The following SLC35D4 variants were observed in gnomAD, a reference collection of about 807,000 sequenced individuals.
SLC35D4 encodes the protein solute carrier family 35 member D4.
At chr18:23,319,783 A>G in the SLC35D4 span, among the ~76,000 whole-genome samples, 2 of 152,224 alleles carry the variant, frequency 1.3e-5, no homozygotes, top group East Asian at 3.8e-4. Flanking sequence ...CAAGGGCCAG[A>G]TGCATAAAAT....
At chr18:23,253,329 A>G in the SLC35D4 span, among the ~76,000 whole-genome samples, 1 of 152,174 alleles carries the variant, frequency 6.6e-6, no homozygotes, top group Non-Finnish European at 1.5e-5. Flanking sequence ...CTAAAAATTT[A>G]AAAATTAGCC....
the SLC35D4 span, among the ~76,000 whole-genome samples, chr18:23,276,949 C>T: frequency 6.6e-6 from 1 of 152,248 alleles, no homozygotes; most frequent in Non-Finnish European, 1.5e-5. Context: ...ACCTTTTCTT[C>T]TCCTCTCTAC....
At chr18:23,262,726 G>A in the SLC35D4 span, among the ~76,000 whole-genome samples, 2 of 152,242 alleles carry the variant, frequency 1.3e-5, no homozygotes, top group African/African-American at 4.8e-5. Flanking sequence ...CAAGGCCAAG[G>A]CAGCAGGGTT....
the SLC35D4 span, chr18:23,377,555 T>TA: frequency 2.4e-6 from 3 of 1,244,740 alleles, no homozygotes; most frequent in South Asian, 1.5e-5. Context: ...TGCCACCTCT[T>TA]AGAGTATGAA....
the SLC35D4 span, among the ~76,000 whole-genome samples, chr18:23,360,810 T>C: frequency 6.6e-6 from 1 of 151,960 alleles, no homozygotes; most frequent in South Asian, 2.1e-4. Context: ...ATACAGGTAA[T>C]AAAAGAAGGG....
At chr18:23,371,408 C>T in the SLC35D4 span, 1 of 1,563,696 alleles carries the variant, frequency 6.4e-7, no homozygotes, top group Middle Eastern at 1.8e-4. Flanking sequence ...CATAATAATT[C>T]TTTTAAAACT....
At chr18:23,304,787 C>G in the SLC35D4 span, among the ~76,000 whole-genome samples, 2 of 152,060 alleles carry the variant, frequency 1.3e-5, no homozygotes, top group African/African-American at 4.8e-5. Context: ...GCCCTGTCTT[C>G]CCAGGTGAGA....
the SLC35D4 span, chr18:23,437,921 CGCAGCAGCAGCAGCGGCAGCG>C: frequency 3.3e-6 from 5 of 1,526,316 alleles, no homozygotes; most frequent in Admixed American, 5.8e-5. Context: ...GCCCGACCCC[CGCAGCAGCAGCAGCGGCAGCG>C]GCAGCAGCCG....
At chr18:23,437,836 G>A in the SLC35D4 span, 1 of 1,613,020 alleles carries the variant, frequency 6.2e-7, no homozygotes, top group South Asian at 1.1e-5. Context: ...GCCGACCAGA[G>A]ACCTCCTCAC....
chr18:23,364,919 A>AAG, the SLC35D4 span, among the ~76,000 whole-genome samples: 2 of 3,742 alleles, frequency 5.3e-4, 1 homozygote, highest in East Asian at 0.12. Context: ...AAAAAAAAAA[A>AAG]AAAAAAAAAA....
chr18:23,367,415 C>T, the SLC35D4 span, among the ~76,000 whole-genome samples: 5 of 152,206 alleles, frequency 3.3e-5, no homozygotes, highest in South Asian at 1.0e-3. Flanking sequence ...GGGTGGGGGA[C>T]TGGGGCCCCC....
At chr18:23,261,892 A>T in the SLC35D4 span, among the ~76,000 whole-genome samples, 10,702 of 152,234 alleles carry the variant, frequency 0.07, 500 homozygotes, top group African/African-American at 0.14. Context: ...TGCAAGTCAA[A>T]CCATCATAAG....
At chr18:23,412,059 C>T in the SLC35D4 span, among the ~76,000 whole-genome samples, 3 of 152,240 alleles carry the variant, frequency 2.0e-5, no homozygotes, top group African/African-American at 7.2e-5. Context: ...GTGGCTTACG[C>T]CTGTAATCCT....
the SLC35D4 span, among the ~76,000 whole-genome samples, chr18:23,373,554 C>T: frequency 6.6e-6 from 1 of 152,162 alleles, no homozygotes; most frequent in Admixed American, 6.5e-5. Flanking sequence ...AATGGTGTTG[C>T]CCAGGCCCAG....
the SLC35D4 span, among the ~76,000 whole-genome samples, chr18:23,289,819 C>T: frequency 7.2e-5 from 11 of 152,156 alleles, no homozygotes; most frequent in Non-Finnish European, 1.5e-4. Context: ...CCTGGCTCAT[C>T]CTGGCTCAAA....
the SLC35D4 span, among the ~76,000 whole-genome samples, chr18:23,383,118 G>A: frequency 2.0e-5 from 3 of 152,118 alleles, no homozygotes; most frequent in African/African-American, 4.8e-5. Flanking sequence ...GATGTCCGGG[G>A]AGAACCATAG....
At chr18:23,363,364 ATTTTTTTTTT>A in the SLC35D4 span, among the ~76,000 whole-genome samples, 69 of 90,450 alleles carry the variant, frequency 7.6e-4, 1 homozygote, top group African/African-American at 2.7e-3. Flanking sequence ...ACAAAAGCAC[ATTTTTTTTTT>A]TTTTTTTTTT....
the SLC35D4 span, chr18:23,356,560 C>A: frequency 6.2e-7 from 1 of 1,609,208 alleles, no homozygotes; most frequent in Non-Finnish European, 8.5e-7. This position sits in a 1 kb window ranked among gnomAD's most constrained non-coding sequence, Gnocchi z 4.1. Context: ...GCGGACAGCA[C>A]AGAAAGCATA....
At chr18:23,256,495 T>C in the SLC35D4 span, among the ~76,000 whole-genome samples, 1 of 152,348 alleles carries the variant, frequency 6.6e-6, no homozygotes, top group South Asian at 2.1e-4. Context: ...TTTATTTATT[T>C]TTTGAGACAG....
Sources: gnomAD v4.1 joint callset for allele counts (sites outside exome capture counted in the v4.1 genomes callset) on GRCh38, gnomAD v4.1.1 for gene constraint, Gnocchi (gnomAD v3.1) non-coding constraint, MANE v1.5 for transcripts, NCBI Gene and HGNC (gene_info 2026-07-23, HGNC 2026-07-21) for gene names.